Variants in TUB observed in about 807,000 individuals in gnomAD.
TUB encodes tubby protein homolog.
In TUB, 33 loss-of-function variants were observed where a neutral mutation model predicts 59.7. The observed-to-expected ratio is 0.55, with a 90% CI of 0.42 to 0.74. The LOEUF is 0.74. Ranked by LOEUF, TUB falls within the 30% of genes least tolerant of loss-of-function variation. The pLI, the probability that TUB is intolerant of heterozygous loss-of-function variation, is 0.00. For synonymous variants in TUB, 293 were observed against 256.4 expected, an observed-to-expected ratio of 1.14 and a Z score of -1.36; for missense variants, 659 against 672.0, an observed-to-expected ratio of 0.98 and a Z score of 0.21.
Position 8,097,751 on chromosome 11 carries a change from A to G in TUB, c.923A>G (p.Lys308Arg), listed in dbSNP as rs55892969. 0.027 allele frequency: 44,042 copies of G among 1,613,848 alleles called. 733 individuals carry two copies. Among genetic ancestry groups the G allele is most frequent in the Non-Finnish European group, 0.034 (40,492 of 1,179,764 alleles). ...GCGGGAAGGAAGAGAAAGAAGAGTA[A>G]AACTTCCAATTACCTCATCTCTGTG... ...LLAGRKRKKS[K>R]TSNYLISVDP... The change falls in exon 8 of 12, where the codon AAA becomes AGA. Residue 308 changes from lysine to arginine, a missense_variant. Physicochemically the swap from Lys to Arg is conservative, Grantham distance 26 (BLOSUM62 2). Coordinates refer to ENST00000299506, the MANE Select transcript of TUB (RefSeq NM_177972.3).
At chr11:8,039,772 C>A in intron 2 of TUB, 1 of 1,282,154 alleles carries the variant, frequency 7.8e-7, no homozygotes, top group Non-Finnish European at 1.0e-6. Flanking sequence ...GGGCGGAAGA[C>A]GTGGGTGGCT....
At position 8,048,931 on chromosome 11, in the gene TUB, C is replaced by A. The variant is rs1034813323; in HGVS notation, c.203+9239C>A. On this transcript the variant is annotated intron_variant, in intron 2 of 12. Coordinates refer to the TUB transcript ENST00000305253. ...CTCTGTATTGTTTTACATAAATTAT[C>A]ATATTTAATATTCGTAATTCTGTCA... Among the ~76,000 whole-genome samples, 4 of 152,278 alleles carry A rather than the reference C, an allele frequency of 2.6e-5. 1 individual carries two copies. The East Asian group carries it at 5.8e-4, about 22-fold the overall frequency.
chr11:8,101,419 T>C (rs1488509400), intron 11 of TUB, 67 bp from the exon 12 acceptor site: 5 of 1,596,872 alleles, frequency 3.1e-6, no homozygotes, highest in South Asian at 1.1e-5. Flanking sequence ...GGTGTCTGTC[T>C]ATCCTTCCCT....
Position 8,101,847 on chromosome 11 carries a change from T to TC in TUB, c.*229dup. ...GTGGGTGTGAAGGGATGAGAATAAT[T>TC]CTTTCCATGCCACGAGATCAACACA... On this transcript the variant is annotated 3_prime_UTR_variant, in exon 12 of 12. Coordinates refer to ENST00000299506, the MANE Select transcript of TUB (RefSeq NM_177972.3). 2.0e-6 allele frequency: 1 copy of TC among 507,026 alleles called. No homozygotes were observed. The highest frequency in any genetic ancestry group is 3.3e-5 in the South Asian group (1 of 30,172). The allele number at this position is 507,026 out of a possible 1,614,324, so 31.4% of individuals were successfully genotyped here. A position where few individuals can be genotyped will look rare whatever the true frequency, so the allele number is the denominator to read the frequency against.
rs200034380 is a variant in TUB at position 8,089,680 on chromosome 11, G to C, written c.90+19G>C. On this transcript the variant is annotated intron_variant, in intron 2 of 11. Transcript: ENST00000299506. ...TCGGCAGGTGAGTAGGCCTGGGGCC[G>C]GGTAGAAGGGAAGAGTCTGGGCTGG... The C allele has an allele frequency of 5.6e-6, 9 of 1,614,070 alleles. No individual in the cohort carries two copies. Among genetic ancestry groups the C allele is most frequent in the Non-Finnish European group, 6.8e-6 (8 of 1,179,966 alleles).
intron 2 of TUB, among the ~76,000 whole-genome samples, chr11:8,066,741 A>C (rs551162432): frequency 1.3e-5 from 2 of 152,254 alleles, no homozygotes; most frequent in East Asian, 3.9e-4. Context: ...GAGGTGTAAT[A>C]ACTGCGGGTG....
At chr11:8,021,725 C>T (rs3930850) in intron 1 of TUB, among the ~76,000 whole-genome samples, 64,740 of 151,446 alleles carry the variant, frequency 0.43, 15,131 homozygotes, top group Middle Eastern at 0.59. Context: ...ATCCTCCTGG[C>T]TAACACGGTG....
Position 8,101,837 on chromosome 11 carries a change from TGAG to T in TUB, c.*219_*221del. 6 of 670,676 alleles carry T rather than the reference TGAG, an allele frequency of 8.9e-6. No individual in the cohort carries two copies. The highest frequency in any genetic ancestry group is 6.6e-5 in the South Asian group (3 of 45,562). 41.5% of individuals were successfully genotyped at this position (670,676 alleles called of 1,614,324 possible). ...GAGCGGGTGGGTGGGTGTGAAGGGA[TGAG>T]AATAATTCTTTCCATGCCACGAGAT... On this transcript the variant is annotated 3_prime_UTR_variant, in exon 12 of 12. Transcript: ENST00000299506.
chr11:8,053,329 A>G (rs1050192721), intron 2 of TUB, among the ~76,000 whole-genome samples: 8 of 152,190 alleles, frequency 5.3e-5, no homozygotes, highest in Middle Eastern at 3.2e-3. Flanking sequence ...ATTTTTAATA[A>G]GTAAGGCTAT....
At chr11:8,055,642 G>T (rs1213861694) in intron 2 of TUB, among the ~76,000 whole-genome samples, 1 of 152,256 alleles carries the variant, frequency 6.6e-6, no homozygotes, top group Non-Finnish European at 1.5e-5. Flanking sequence ...CTGATGGGCT[G>T]GGGGTGGGGG....
At chr11:8,072,570 G>A (rs931092014) in intron 2 of TUB, among the ~76,000 whole-genome samples, 4 of 152,236 alleles carry the variant, frequency 2.6e-5, no homozygotes, top group African/African-American at 7.2e-5. Context: ...GGCTCAGTGA[G>A]TGGGAGCTCT....
intron 2 of TUB, among the ~76,000 whole-genome samples, chr11:8,044,300 A>G (rs993571136): frequency 6.6e-6 from 1 of 152,192 alleles, no homozygotes. Context: ...CTTTGAATTT[A>G]CGAATCTTTG....
chr11:8,080,818 G>A (rs1160136928), upstream of TUB, among the ~76,000 whole-genome samples: 1 of 152,162 alleles, frequency 6.6e-6, no homozygotes, highest in African/African-American at 2.4e-5. Flanking sequence ...TCCACGCTTC[G>A]GCCCGGAGGT....
intron 2 of TUB, among the ~76,000 whole-genome samples, chr11:8,071,543 A>G (rs976085499): frequency 6.6e-5 from 10 of 152,148 alleles, no homozygotes; most frequent in Admixed American, 2.6e-4. Context: ...TTTTAGATCA[A>G]GTGAGAACAT....
At chr11:8,022,849 C>G (rs957913822) in intron 1 of TUB, among the ~76,000 whole-genome samples, 7 of 152,116 alleles carry the variant, frequency 4.6e-5, no homozygotes, top group African/African-American at 1.7e-4. Flanking sequence ...CAGTGGAGAT[C>G]GTGCCACTGC....
chr11:8,077,603 A>C (rs139307169), upstream of TUB: 1 of 152,018 alleles, frequency 6.6e-6, no homozygotes, highest in African/African-American at 2.4e-5. Context: ...TCAATATCCT[A>C]TTCATCTTTC....
In TUB at chr11:8,103,325, TTGG is replaced by T. The variant is rs1944387618; in HGVS notation, c.*1710_*1712del. ...TTCTTGCCCAGATAGAGATCTGAAA[TTGG>T]TGGGAAGCAAGCAGGGGTCGTACCT... On this transcript the variant is annotated 3_prime_UTR_variant, in exon 12 of 12. Transcript: ENST00000299506. 1 of 152,176 alleles carries T rather than the reference TTGG, an allele frequency of 6.6e-6. No homozygotes were observed. The highest frequency in any genetic ancestry group is 1.5e-5 in the Non-Finnish European group (1 of 68,018). The allele number at this position is 152,176 out of a possible 1,614,324, so 9.4% of individuals were successfully genotyped here.
In TUB at chr11:8,100,404, T is replaced by A. The variant is rs1944222117; in HGVS notation, c.1117-99T>A. 4.5e-6 allele frequency: 4 copies of A among 894,328 alleles called. No individual in the cohort carries two copies. The East Asian group carries it at 1.0e-4, about 23-fold the overall frequency. The allele number at this position is 894,328 out of a possible 1,614,324, so 55.4% of individuals were successfully genotyped here. A position where few individuals can be genotyped will look rare whatever the true frequency, so the allele number is the denominator to read the frequency against. On this transcript the variant is annotated intron_variant, in intron 9 of 11. Transcript: ENST00000299506. ...TGTGTGTTAGACTTCGGAGTGGAGA[T>A]GGTGGGAACTAGCTCTTCCTCTTTA...
chr11:8,064,954 G>A (rs997006779), intron 2 of TUB, among the ~76,000 whole-genome samples: 3 of 152,238 alleles, frequency 2.0e-5, no homozygotes, highest in African/African-American at 7.2e-5. Flanking sequence ...GAGCAGAAGA[G>A]TGATTTGTGC....
Sources: allele counts gnomAD v4.1 joint callset (sites outside exome capture counted in the v4.1 genomes callset), GRCh38; gene constraint gnomAD v4.1.1; transcripts MANE v1.5; gene names NCBI Gene and HGNC (gene_info 2026-07-23, HGNC 2026-07-21).